Variants in AOX1 observed in about 807,000 individuals in gnomAD.
AOX1 encodes the protein aldehyde oxidase.
A neutral mutation model predicts 169.5 loss-of-function variants in AOX1; 153 were observed. The ratio of observed to expected loss-of-function variants is 0.90; its 90% CI spans 0.79 to 1.03. The LOEUF (loss-of-function observed/expected upper bound fraction) is 1.03. Ranked by LOEUF, AOX1 falls within the 50% of genes least tolerant of loss-of-function variation. AOX1 has a pLI of 0.00. For missense variants in AOX1, 1,656 were observed against 1,663.9 expected (o/e 1.00, Z 0.08); for synonymous variants, 562 against 581.9 (o/e 0.97, Z 0.49).
chr2:200,679,727 G>A (rs1453109273), downstream of AOX1, among the ~76,000 whole-genome samples: 1 of 151,296 alleles, frequency 6.6e-6, no homozygotes, highest in Non-Finnish European at 1.5e-5. Context: ...GGAATGCTTT[G>A]AGTCCTGCCA....
chr2:200,651,326 C>A, intron 26 of AOX1, 125 bp downstream of exon 26: 2 of 783,948 alleles, frequency 2.6e-6, no homozygotes, highest in Non-Finnish European at 4.2e-6. Context: ...TGTTAAATTT[C>A]ACAAAAGCCA....
downstream of AOX1, chr2:200,677,208 G>A (rs2036111439): frequency 4.4e-6 from 1 of 227,226 alleles, no homozygotes; most frequent in African/African-American, 2.4e-5. Context: ...TTAGGGAAGG[G>A]GAGGAGAGAA....
chr2:200,621,813 C>T (rs1305045065), intron 18 of AOX1, among the ~76,000 whole-genome samples: 9 of 152,046 alleles, frequency 5.9e-5, no homozygotes, highest in Non-Finnish European at 1.3e-4. Flanking sequence ...AGTGCAGTGG[C>T]ATGATCTTGG....
At chr2:200,639,252 G>A (rs972347734) in intron 23 of AOX1, among the ~76,000 whole-genome samples, 4 of 152,158 alleles carry the variant, frequency 2.6e-5, no homozygotes, top group Non-Finnish European at 4.4e-5. Context: ...ATCTTTTGCT[G>A]AGGGCAGCAG....
At chr2:200,611,162 T>A (rs1037765632) in intron 12 of AOX1, among the ~76,000 whole-genome samples, 3 of 152,156 alleles carry the variant, frequency 2.0e-5, no homozygotes, top group African/African-American at 2.4e-5. Context: ...GTCGATGTTT[T>A]TATCGATGAG....
chr2:200,611,435 A>AT lies in AOX1; in HGVS notation c.1206dup (p.Ala403CysfsTer4), dbSNP rs1187825547. ...GAGCAATTCCTCAGCAAGTGCCCTAATGCAGATCTTAAGCCTCAAGAAATC... is the reference window on the plus strand; with the variant it reads ...GAGCAATTCCTCAGCAAGTGCCCTAATTGCAGATCTTAAGCCTCAAGAAATC... On this transcript the variant is annotated frameshift_variant, in exon 13 of 35. Coordinates refer to ENST00000374700, the MANE Select transcript of AOX1 (RefSeq NM_001159.4). LOFTEE classifies it high-confidence loss of function. The AT allele has an allele frequency of 1.2e-6, 2 of 1,614,104 alleles. No homozygotes were observed. The highest frequency in any genetic ancestry group is 4.5e-5 in the East Asian group (2 of 44,874).
chr2:200,597,626 C>G (rs2034313400), intron 4 of AOX1, 121 bp downstream of exon 4: 1 of 524,804 alleles, frequency 1.9e-6, no homozygotes, highest in African/African-American at 1.9e-5. Context: ...CCAACAGATA[C>G]AACCTAGCTG....
At chr2:200,649,747 T>G (rs1402394271) in intron 25 of AOX1, among the ~76,000 whole-genome samples, 1 of 152,004 alleles carries the variant, frequency 6.6e-6, no homozygotes, top group Non-Finnish European at 1.5e-5. Context: ...TGGGGTGAGC[T>G]CTCTCTCAGC....
chr2:200,661,801 T>C (rs1032069934), intron 30 of AOX1, among the ~76,000 whole-genome samples, 170 bp downstream of exon 30: 5 of 152,222 alleles, frequency 3.3e-5, no homozygotes, highest in African/African-American at 1.2e-4. Context: ...ATAAAGAACA[T>C]TTAACTGCTA....
intron 15 of AOX1, 124 bp from the exon 16 acceptor site, chr2:200,615,847 A>G: frequency 1.5e-6 from 1 of 670,890 alleles, no homozygotes; most frequent in Non-Finnish European, 2.6e-6. Context: ...GAATAGGGTG[A>G]GTGCTTAATA....
chr2:200,599,681 C>T lies in AOX1; in HGVS notation c.371C>T (p.Ser124Phe), dbSNP rs1348592769. 3.1e-6 allele frequency: 5 copies of T among 1,612,046 alleles called. No individual in the cohort carries two copies. In the African/African-American group the frequency reaches 5.4e-5, roughly 17 times the overall value. Residue 124 changes from serine (S) to phenylalanine (F), a missense_variant, in exon 5 of 35, where the codon TCC (serine) becomes TTC (phenylalanine). Coordinates refer to ENST00000374700, the MANE Select transcript of AOX1 (RefSeq NM_001159.4). ...TTCTGCACACCTGGGATGGTGATGTCCATCTACACGCTGCTCAGGAACCAC... is the reference window on the plus strand; with the variant it reads ...TTCTGCACACCTGGGATGGTGATGTTCATCTACACGCTGCTCAGGAACCAC... ...CGFCTPGMVMSIYTLLRNHPE... is the reference protein window; with the variant it reads ...CGFCTPGMVMFIYTLLRNHPE...
At chr2:200,602,440 T>C in intron 6 of AOX1, 95 bp downstream of exon 6, 4 of 1,041,688 alleles carry the variant, frequency 3.8e-6, no homozygotes, top group Non-Finnish European at 5.9e-6. Flanking sequence ...ATCTTACTAA[T>C]ACATGGCTAC....
At chr2:200,656,775 T>C in intron 26 of AOX1, 67 bp from the exon 27 acceptor site, 2 of 1,176,798 alleles carry the variant, frequency 1.7e-6, no homozygotes, top group Non-Finnish European at 1.2e-6. Flanking sequence ...AGGAAAATGT[T>C]TTAATTGACA....
At position 200,651,317 on chromosome 2, in the gene AOX1, G is replaced by A. The variant is rs572616261; in HGVS notation, c.3075+116G>A. The A allele has an allele frequency of 8.5e-5, 75 of 884,262 alleles. No individual in the cohort carries two copies. In the African/African-American group the frequency reaches 1.1e-3, roughly 13 times the overall value. 54.8% of individuals were successfully genotyped at this position (884,262 alleles called of 1,614,324 possible). A position where few individuals can be genotyped will look rare whatever the true frequency, so the allele number is the denominator to read the frequency against. On this transcript the variant is annotated intron_variant, in intron 26 of 34. Coordinates refer to ENST00000374700, the MANE Select transcript of AOX1 (RefSeq NM_001159.4). ...AGCCATATGGTTGCAATGCCCAATT[G>A]TTAAATTTCACAAAAGCCACCAAAG...
intron 22 of AOX1, 194 bp from the exon 23 acceptor site, chr2:200,638,021 C>G: frequency 2.1e-6 from 1 of 486,178 alleles, no homozygotes; most frequent in Non-Finnish European, 3.8e-6. Context: ...AAATGCCTGG[C>G]ATTATTCCCT....
intron 19 of AOX1, among the ~76,000 whole-genome samples, chr2:200,624,920 T>C (rs1464350121): frequency 2.0e-5 from 3 of 152,148 alleles, no homozygotes; most frequent in Admixed American, 1.3e-4. Context: ...ATGAACATGT[T>C]GTTCTCTGGG....
At chr2:200,639,124 C>T (rs566219933) in intron 23 of AOX1, among the ~76,000 whole-genome samples, 7 of 152,330 alleles carry the variant, frequency 4.6e-5, no homozygotes, top group African/African-American at 1.7e-4. Context: ...TCCAAGTGCT[C>T]AGTAGGCACA....
At chr2:200,651,437 G>A (rs1048175585) in intron 26 of AOX1, among the ~76,000 whole-genome samples, 4 of 152,168 alleles carry the variant, frequency 2.6e-5, no homozygotes, top group African/African-American at 4.8e-5. Flanking sequence ...TGGAAATTGG[G>A]AGACTGAGGT....
chr2:200,672,058 A>T (rs967291456), downstream of AOX1, among the ~76,000 whole-genome samples: 3 of 152,246 alleles, frequency 2.0e-5, no homozygotes, highest in African/African-American at 7.2e-5. Context: ...AAGGCTGCAT[A>T]TTATATGATT....
Sources: gnomAD v4.1 joint callset for allele counts (sites outside exome capture counted in the v4.1 genomes callset) on GRCh38, gnomAD v4.1.1 for gene constraint, MANE v1.5 for transcripts, NCBI Gene and HGNC (gene_info 2026-07-23, HGNC 2026-07-21) for gene names.